Variants in ZSWIM5 observed in about 807,000 individuals in gnomAD.
The protein encoded by ZSWIM5 is zinc finger SWIM-type containing 5, also known as zinc finger SWIM domain-containing protein 5.
ZSWIM5 carries 55 observed loss-of-function variants against 119.6 expected under a neutral mutation model. That is an observed-to-expected ratio of 0.46 (90% CI 0.37 to 0.58). The LOEUF is 0.58. ZSWIM5 is among the 20% of genes least tolerant of loss of function. ZSWIM5 has a pLI of 0.00. For synonymous variants in ZSWIM5, 537 were observed against 606.9 expected, an observed-to-expected ratio of 0.88 and a Z score of 1.69; for missense variants, 1,193 against 1,512.8, an observed-to-expected ratio of 0.79 and a Z score of 3.51.
rs765259809 is a variant in ZSWIM5, at chr1:45,018,958, C to A, written c.3054G>T (p.Lys1018Asn). 1 of 1,614,238 alleles carries A rather than the reference C, an allele frequency of 6.2e-7. No individual in the cohort carries two copies. Among genetic ancestry groups the A allele is most frequent in the Admixed American group, 1.7e-5 (1 of 60,028 alleles). ...GATGGCTCATGGCCAATGAGGCCAG[C>A]TTGAAGGCACGTAGCGGGTAGCCAC... ...ELRGYPLRAFKLASLAMSHLN... is the reference protein window; with the variant it reads ...ELRGYPLRAFNLASLAMSHLN... The change falls in exon 14 of 14, where the codon AAG becomes AAT. Residue 1018 changes from lysine (K) to asparagine (N), a missense_variant. Lys to Asn is a moderately conservative substitution (Grantham distance 94). Around this residue, in one of 2 missense-constraint regions of ZSWIM5, gnomAD observed 961 missense variants for 1,290.0 expected, o/e 0.74. Coordinates refer to ENST00000359600, the MANE Select transcript of ZSWIM5 (RefSeq NM_020883.2). The surrounding 1 kb of genome is among the most constrained non-coding windows in gnomAD (Gnocchi z 6.7).
chr1:45,178,531 T>A (rs187617149), intron 1 of ZSWIM5, among the ~76,000 whole-genome samples: 1 of 152,310 alleles, frequency 6.6e-6, no homozygotes, highest in African/African-American at 2.4e-5. Context: ...TTTTTGGAGT[T>A]TACCACTTTC....
rs1208092342 is a variant in ZSWIM5 at position 45,044,779 on chromosome 1, A to T, written c.1433-1384T>A. 2.5e-3 allele frequency among the ~76,000 whole-genome samples: 15 copies of T among 5,972 alleles called. 4 individuals carry two copies. The highest frequency in any genetic ancestry group is 0.012 in the African/African-American group (15 of 1,216). 3.9% of individuals were successfully genotyped at this position (5,972 alleles called of 152,430 possible). A position where few individuals can be genotyped will look rare whatever the true frequency, so the allele number is the denominator to read the frequency against. ...TATATATATATATATATATATAAAT[A>T]TATATATATAAATATATATATATAA... On this transcript the variant is annotated intron_variant, in intron 5 of 13. Coordinates refer to ENST00000359600, the MANE Select transcript of ZSWIM5 (RefSeq NM_020883.2).
chr1:45,106,652 C>T (rs566199653), intron 1 of ZSWIM5, among the ~76,000 whole-genome samples: 1 of 152,168 alleles, frequency 6.6e-6, no homozygotes, highest in South Asian at 2.1e-4. Flanking sequence ...GCCGCCCCGT[C>T]TGGGAAGTGA....
At position 45,206,452 on chromosome 1, in the gene ZSWIM5, G is replaced by T; in HGVS notation, c.-102C>A. The stretch of plus-strand genomic sequence containing the variant: ...CCCCGCGCAAGCGCCCAGCGGTGGC[G>T]CCGAGGGGGGCGGGGCGAGAGAACC... On this transcript the variant is annotated 5_prime_UTR_variant, in exon 1 of 14. Coordinates refer to ENST00000359600, the MANE Select transcript of ZSWIM5 (RefSeq NM_020883.2). 8.2e-7 allele frequency: 1 copy of T among 1,219,112 alleles called. No individual in the cohort carries two copies. 75.5% of individuals were successfully genotyped at this position (1,219,112 alleles called of 1,614,324 possible). A position where few individuals can be genotyped will look rare whatever the true frequency, so the allele number is the denominator to read the frequency against.
At chr1:45,106,492 G>A (rs1261151268) in intron 1 of ZSWIM5, among the ~76,000 whole-genome samples, 4 of 136,230 alleles carry the variant, frequency 2.9e-5, no homozygotes, top group Admixed American at 1.5e-4. Context: ...CTGCCCGGCC[G>A]CTCTTACTCT....
chr1:45,099,281 A>T (rs1219869794), intron 1 of ZSWIM5, among the ~76,000 whole-genome samples: 4 of 152,238 alleles, frequency 2.6e-5, no homozygotes, highest in Admixed American at 2.6e-4. Flanking sequence ...CTCTACAAAA[A>T]TAAACTAGAA....
intron 11 of ZSWIM5, among the ~76,000 whole-genome samples, chr1:45,027,546 GC>G (rs1253697345): frequency 1.3e-5 from 2 of 151,258 alleles, no homozygotes; most frequent in Non-Finnish European, 3.0e-5. Flanking sequence ...ACAGGCGCCT[GC>G]CACCATGCCA....
At chr1:45,030,161 C>A (rs1354592875) in intron 11 of ZSWIM5, among the ~76,000 whole-genome samples, 2 of 151,996 alleles carry the variant, frequency 1.3e-5, no homozygotes, top group Non-Finnish European at 2.9e-5. Context: ...CCAGGCTGGT[C>A]TCAAACTCCT....
chr1:45,205,976 A>AGCGCCG lies in ZSWIM5; in HGVS notation c.369_374dup (p.Gly124_Ala125dup), dbSNP rs1297413039. The AGCGCCG allele has an allele frequency of 2.9e-6, 4 of 1,402,150 alleles. No individual in the cohort carries two copies. The highest frequency in any genetic ancestry group is 2.8e-6 in the Non-Finnish European group (3 of 1,075,726). The allele number at this position is 1,402,150 out of a possible 1,614,324, so 86.9% of individuals were successfully genotyped here. On this transcript the variant is annotated inframe_insertion, in exon 1 of 14. Coordinates refer to ENST00000359600, the MANE Select transcript of ZSWIM5 (RefSeq NM_020883.2). ...GCGAAGCCCCCGCGGCGCCGCCAGCAGCGCCGGCGCCGGGGCCGCCCCGGT... is the reference window on the plus strand; with the variant it reads ...GCGAAGCCCCCGCGGCGCCGCCAGCAGCGCCGGCGCCGGCGCCGGGGCCGCCCCGGT...
intron 1 of ZSWIM5, among the ~76,000 whole-genome samples, chr1:45,106,905 T>C (rs1171327590): frequency 1.3e-5 from 2 of 152,258 alleles, no homozygotes; most frequent in Non-Finnish European, 2.9e-5. Context: ...TGTTAATCTA[T>C]AACCTTACCC....
intron 8 of ZSWIM5, among the ~76,000 whole-genome samples, chr1:45,036,683 G>A (rs1644986799): frequency 6.6e-6 from 1 of 151,904 alleles, no homozygotes; most frequent in African/African-American, 2.4e-5. Flanking sequence ...TCCCACCTTT[G>A]GGATACAGCT....
Position 45,020,770 on chromosome 1 carries a change from C to T in ZSWIM5, c.2468G>A (p.Arg823Gln), listed in dbSNP as rs780897124. The change falls in exon 12 of 14, where the codon CGA becomes CAA. Residue 823 changes from arginine (R) to glutamine (Q), a missense_variant. Arg to Gln is a conservative substitution (Grantham distance 43). Coordinates refer to ENST00000359600, the MANE Select transcript of ZSWIM5 (RefSeq NM_020883.2). Reference sequence around the variant, plus strand: ...CTTCTGTATTGCTTCCAGAATTGTTCGGAGTCTCAAAGTGTCTCCTATAGG... The same window carrying T: ...CTTCTGTATTGCTTCCAGAATTGTTTGGAGTCTCAAAGTGTCTCCTATAGG... ...TAAKGDTLRL[R>Q]TILEAIQKHI... 84 of 1,613,848 alleles carry T rather than the reference C, an allele frequency of 5.2e-5. No individual in the cohort carries two copies. The highest frequency in any genetic ancestry group is 1.1e-4 in the African/African-American group (8 of 74,892).
intron 1 of ZSWIM5, among the ~76,000 whole-genome samples, chr1:45,104,344 G>A (rs973177365): frequency 3.3e-5 from 5 of 152,164 alleles, no homozygotes; most frequent in South Asian, 2.1e-4. Flanking sequence ...ATATACTATC[G>A]ATACAAACAG....
chr1:45,097,112 A>G (rs994833637), intron 1 of ZSWIM5, among the ~76,000 whole-genome samples: 3 of 152,216 alleles, frequency 2.0e-5, no homozygotes, highest in Non-Finnish European at 2.9e-5. Context: ...TTAAAAATCC[A>G]TGGTTTAAAA....
At chr1:45,086,052 G>T (rs1215126677) in intron 2 of ZSWIM5, among the ~76,000 whole-genome samples, 2 of 152,176 alleles carry the variant, frequency 1.3e-5, no homozygotes, top group Non-Finnish European at 2.9e-5. Flanking sequence ...TCATGGTTCT[G>T]CAGGCTGTAC....
At chr1:45,182,511 G>C (rs530775430) in intron 1 of ZSWIM5, among the ~76,000 whole-genome samples, 1 of 152,016 alleles carries the variant, frequency 6.6e-6, no homozygotes, top group African/African-American at 2.4e-5. Context: ...CCCATCTCAC[G>C]TGCAGAGACA....
rs746764436 is a variant in ZSWIM5, at chr1:45,190,927, A to ATTTTTTTTTTT, written c.595+14818_595+14828dup. ...TCCATGTTCGACTGAAATAGCTGGA[A>ATTTTTTTTTTT]TTTTTTTTTTTTTTTTTTTTTTTTT... On this transcript the variant is annotated intron_variant, in intron 1 of 13. Transcript: ENST00000359600. Among the ~76,000 whole-genome samples the ATTTTTTTTTTT allele has an allele frequency of 6.5e-4, 32 of 49,002 alleles. 9 individuals are homozygous for ATTTTTTTTTTT. The highest frequency in any genetic ancestry group is 1.8e-3 in the South Asian group (2 of 1,084). The allele number at this position is 49,002 out of a possible 152,430, so 32.1% of individuals were successfully genotyped here. A position where few individuals can be genotyped will look rare whatever the true frequency, so the allele number is the denominator to read the frequency against.
intron 2 of ZSWIM5, among the ~76,000 whole-genome samples, chr1:45,083,772 T>C (rs545320708): frequency 6.6e-6 from 1 of 152,316 alleles, no homozygotes; most frequent in African/African-American, 2.4e-5. Context: ...TTTAATTGGC[T>C]CACTGTTCCA....
chr1:45,046,247 G>A (rs1645053740), intron 5 of ZSWIM5, among the ~76,000 whole-genome samples: 1 of 152,186 alleles, frequency 6.6e-6, no homozygotes, highest in Non-Finnish European at 1.5e-5. Context: ...CTGAGAATAG[G>A]TTATAAGGTG....
Sources: gnomAD v4.1 joint callset for allele counts (sites outside exome capture counted in the v4.1 genomes callset) on GRCh38, gnomAD v4.1.1 for gene constraint, gnomAD v4.1.1 regional missense constraint, Gnocchi (gnomAD v3.1) non-coding constraint, MANE v1.5 for transcripts, NCBI Gene and HGNC (gene_info 2026-07-23, HGNC 2026-07-21) for gene names.